CLASRP: variants seen among roughly 807,000 people sequenced by gnomAD.
The protein encoded by CLASRP is CLK4-associating serine/arginine rich protein.
A neutral mutation model predicts 99.9 loss-of-function variants in CLASRP; 52 were observed. The observed-to-expected ratio is 0.52, with a 90% CI of 0.42 to 0.66. The LOEUF is 0.66. CLASRP is among the 30% of genes least tolerant of loss of function. The probability of loss-of-function intolerance (pLI) is 0.00; values close to 1 mark genes in which losing one functional copy is unlikely to be tolerated. For missense variants in CLASRP, 848 were observed against 999.2 expected (o/e 0.85, Z 2.04); for synonymous variants, 379 against 373.0 (o/e 1.02, Z -0.18).
intron 3 of CLASRP, 130 bp from the exon 4 acceptor site, chr19:45,052,661 G>A: frequency 1.5e-6 from 1 of 663,728 alleles, no homozygotes; most frequent in South Asian, 1.7e-5. Flanking sequence ...TGAGGTGAGG[G>A]TCATGGCATG....
chr19:45,053,431 G>T (rs547072304), intron 5 of CLASRP, among the ~76,000 whole-genome samples: 22 of 151,956 alleles, frequency 1.4e-4, no homozygotes, highest in African/African-American at 5.1e-4. Context: ...TCTGTGGTCC[G>T]TTTTTCTTTA....
At chr19:45,046,128 G>A (rs1160106377) in intron 2 of CLASRP, among the ~76,000 whole-genome samples, 3 of 152,182 alleles carry the variant, frequency 2.0e-5, no homozygotes, top group African/African-American at 7.2e-5. Context: ...GAGTATGGCT[G>A]GGCCGTGGCT....
At chr19:45,064,256 C>A (rs1001381240) in intron 12 of CLASRP, 29 bp downstream of exon 12, 3 of 1,551,306 alleles carry the variant, frequency 1.9e-6, no homozygotes, top group Non-Finnish European at 2.6e-6. Flanking sequence ...GCCCGCCCTA[C>A]GCCCCGGTCA....
At chr19:45,040,129 C>A in intron 1 of CLASRP, 55 bp from the exon 2 acceptor site, 2 of 928,024 alleles carry the variant, frequency 2.2e-6, no homozygotes, top group Non-Finnish European at 3.4e-6. Context: ...GACTTTGATT[C>A]TGCCCATACG....
Position 45,064,064 on chromosome 19 carries a change from C to A in CLASRP, c.958C>A (p.Pro320Thr). Residue 320 changes from proline to threonine, a missense_variant, in exon 12 of 21, where the codon CCG becomes ACG. Coordinates refer to ENST00000221455, the MANE Select transcript of CLASRP (RefSeq NM_007056.3). ...ESRSRSRSPT[P>T]GREEKITFIT... ...CCGCTCCCGCTCCCGCTCCCCGACCCCGGGCCGCGAGGAGAAGATCACGTT... is the reference window on the plus strand; with the variant it reads ...CCGCTCCCGCTCCCGCTCCCCGACCACGGGCCGCGAGGAGAAGATCACGTT... The A allele has an allele frequency of 6.2e-7, 1 of 1,611,324 alleles. No individual in the cohort carries two copies. The highest frequency in any genetic ancestry group is 8.5e-7 in the Non-Finnish European group (1 of 1,179,362).
At chr19:45,045,476 C>G (rs922621596) in intron 2 of CLASRP, among the ~76,000 whole-genome samples, 5 of 152,128 alleles carry the variant, frequency 3.3e-5, no homozygotes, top group African/African-American at 1.2e-4. Context: ...GTGATTGTAC[C>G]ACTGCACTCC....
At position 45,059,362 on chromosome 19, in the gene CLASRP, C is replaced by T. The variant is rs772166581; in HGVS notation, c.708C>T (p.Val236=). 6.4e-5 allele frequency: 101 copies of T among 1,583,286 alleles called. 2 individuals carry two copies. In the South Asian group the frequency reaches 1.2e-3, roughly 18 times the overall value. ...ATGGCATGGCCGACGGTGACTTCGT[C>T]AGGTGAGGCCTGCCTGCTGACACCC... ...TTYGMADGDF[V]RMLRKDKEEA... Residue 236 remains valine (V), a splice_region_variant and synonymous_variant, in exon 8 of 21, where the codon GTC becomes GTT. Coordinates refer to ENST00000221455, the MANE Select transcript of CLASRP (RefSeq NM_007056.3).
At position 45,042,511 on chromosome 19, in the gene CLASRP, TTA is replaced by T. The variant is rs527367247; in HGVS notation, c.99+2216_99+2217del. 9.6e-4 allele frequency among the ~76,000 whole-genome samples: 143 copies of T among 148,522 alleles called. No homozygotes were observed. The Middle Eastern group carries it at 0.01, about 11-fold the overall frequency. On this transcript the variant is annotated intron_variant, in intron 2 of 20. Transcript: ENST00000221455. ...TGAGACTCCATCTCAAAAAAAAAAT[TTA>T]TATATATATATATATGTGTGTGTAT...
At position 45,052,117 on chromosome 19, in the gene CLASRP, A is replaced by G. The variant is rs1436416724; in HGVS notation, c.146A>G (p.Lys49Arg). The change falls in exon 3 of 21, where the codon AAG (lysine) becomes AGG (arginine). Residue 49 changes from lysine (K) to arginine (R), a missense_variant. Coordinates refer to ENST00000221455, the MANE Select transcript of CLASRP (RefSeq NM_007056.3). ...CTGCAGGTACATGGCCGAGCTTGCAAGGTGCACCTGGATTCTGCAGTCGCC... is the reference window on the plus strand; with the variant it reads ...CTGCAGGTACATGGCCGAGCTTGCAGGGTGCACCTGGATTCTGCAGTCGCC... ...QFLQVHGRACKVHLDSAVALA... is the reference protein window; with the variant it reads ...QFLQVHGRACRVHLDSAVALA... 3 of 1,613,888 alleles carry G rather than the reference A, an allele frequency of 1.9e-6. No individual in the cohort carries two copies. Among genetic ancestry groups the G allele is most frequent in the African/African-American group, 1.3e-5 (1 of 74,878 alleles).
rs542304070 is a variant in CLASRP at position 45,055,598 on chromosome 19, G to C, written c.380-852G>C. ...GCATATAATCTCAGCACTTTGGGAG[G>C]TTGAGGCGGTGGATCACCTGAGGTC... On this transcript the variant is annotated intron_variant, in intron 5 of 20. Coordinates refer to ENST00000221455, the MANE Select transcript of CLASRP (RefSeq NM_007056.3). Among the ~76,000 whole-genome samples the C allele has an allele frequency of 9.8e-5, 15 of 152,344 alleles. No homozygotes were observed. In the East Asian group the frequency reaches 2.7e-3, roughly 27 times the overall value.
intron 7 of CLASRP, 141 bp from the exon 8 acceptor site, chr19:45,059,127 G>A: frequency 1.4e-6 from 1 of 705,982 alleles, no homozygotes. Context: ...ATGCCAAGAT[G>A]AGCCAGACTT....
intron 2 of CLASRP, among the ~76,000 whole-genome samples, chr19:45,049,824 G>C (rs934524293): frequency 2.6e-5 from 4 of 152,154 alleles, no homozygotes; most frequent in African/African-American, 4.8e-5. Context: ...TGGGAGTTAC[G>C]TTCTAACATG....
chr19:45,066,392 A>T (rs1967087770), intron 13 of CLASRP, among the ~76,000 whole-genome samples: 1 of 152,110 alleles, frequency 6.6e-6, no homozygotes. Context: ...TGCTGGGATT[A>T]CAGGCGTGAG....
Position 45,043,194 on chromosome 19 carries a change from T to TG in CLASRP, c.99+2883_99+2884insG, listed in dbSNP as rs1568410340. ...CCCAAGCACTTCAGATAAGGAATAC[T>TG]TTGTGTGTGTGTGTGTGTGTGTGTG... On this transcript the variant is annotated intron_variant, in intron 2 of 20. Coordinates refer to ENST00000221455, the MANE Select transcript of CLASRP (RefSeq NM_007056.3). 3.2e-3 allele frequency among the ~76,000 whole-genome samples: 411 copies of TG among 130,316 alleles called. 1 individual carries two copies. The highest frequency in any genetic ancestry group is 9.2e-3 in the African/African-American group (305 of 33,134). The allele number at this position is 130,316 out of a possible 152,430, so 85.5% of individuals were successfully genotyped here. A position where few individuals can be genotyped will look rare whatever the true frequency, so the allele number is the denominator to read the frequency against.
At chr19:45,065,754 G>A (rs1345231723) in intron 13 of CLASRP, among the ~76,000 whole-genome samples, 1 of 152,140 alleles carries the variant, frequency 6.6e-6, no homozygotes, top group Non-Finnish European at 1.5e-5. Context: ...CAGGGCACCT[G>A]CCTGAGTGTA....
In CLASRP at chr19:45,059,099, C is replaced by A. The variant is rs146309300; in HGVS notation, c.614-169C>A. 9.1e-3 allele frequency among the ~76,000 whole-genome samples: 1,382 copies of A among 152,248 alleles called. 6 individuals carry two copies. The highest frequency in any genetic ancestry group is 0.017 in the South Asian group (84 of 4,826). On this transcript the variant is annotated intron_variant, in intron 7 of 20. Transcript: ENST00000221455. Reference sequence around the variant, plus strand: ...TGTGTTGTGCTCACCTCTGGCAAGCCCAGTGCCAGCCTAGGGCATGCCAAG... The same window carrying A: ...TGTGTTGTGCTCACCTCTGGCAAGCACAGTGCCAGCCTAGGGCATGCCAAG...
Position 45,064,568 on chromosome 19 carries a change from C to T in CLASRP, c.1347C>T (p.Asp449=), listed in dbSNP as rs1437082335. Residue 449 remains aspartate (D), a synonymous_variant, in exon 13 of 21, where the codon GAC becomes GAT. Transcript: ENST00000221455. The part of the protein sequence containing the change: ...GRRHSGGGSR[D]GHRYSRSPAR... Reference sequence around the variant, plus strand: ...GGCACTCAGGTGGGGGCTCCCGAGACGGACACCGGTACTCCCGCTCGCCCG... The same window carrying T: ...GGCACTCAGGTGGGGGCTCCCGAGATGGACACCGGTACTCCCGCTCGCCCG... 7 of 1,540,788 alleles carry T rather than the reference C, an allele frequency of 4.5e-6. No individual in the cohort carries two copies. The Admixed American group carries it at 5.9e-5, about 13-fold the overall frequency.
chr19:45,059,175 G>A (rs1966884846), intron 7 of CLASRP, 93 bp from the exon 8 acceptor site: 1 of 1,003,574 alleles, frequency 1.0e-6, no homozygotes, highest in Non-Finnish European at 1.5e-6. Flanking sequence ...CAGTCTGGCG[G>A]GCGCCCCATC....
At chr19:45,063,896 C>A in intron 11 of CLASRP, 116 bp from the exon 12 acceptor site, 1 of 1,434,054 alleles carries the variant, frequency 7.0e-7, no homozygotes, top group Non-Finnish European at 9.2e-7. Context: ...ATCCACCCGC[C>A]TGGTTTCCCG....
Sources: gnomAD v4.1 joint callset for allele counts (sites outside exome capture counted in the v4.1 genomes callset) on GRCh38, gnomAD v4.1.1 for gene constraint, MANE v1.5 for transcripts, NCBI Gene and HGNC (gene_info 2026-07-23, HGNC 2026-07-21) for gene names.